MON2: variants seen among roughly 807,000 people sequenced by gnomAD.
MON2 encodes protein MON2 homolog.
Under a neutral mutation model 208.6 loss-of-function variants are expected in MON2, and 84 were observed. That is an observed-to-expected ratio of 0.40 (90% CI 0.34 to 0.48). The LOEUF is 0.48. MON2 is among the 20% of genes least tolerant of loss of function. The pLI, the probability that MON2 is intolerant of heterozygous loss-of-function variation, is 0.59. For missense variants in MON2, 1,611 were observed against 2,015.4 expected (o/e 0.80, Z 3.84); for synonymous variants, 660 against 694.0 (o/e 0.95, Z 0.77).
chr12:62,469,315 C>T (rs2068672745), intron 1 of MON2, among the ~76,000 whole-genome samples: 1 of 152,090 alleles, frequency 6.6e-6, no homozygotes, highest in Admixed American at 6.6e-5. Flanking sequence ...CACTGTACTC[C>T]AGCCTGGGAG....
chr12:62,482,693 T>C (rs1235883518), intron 1 of MON2: 2 of 152,214 alleles, frequency 1.3e-5, no homozygotes, highest in African/African-American at 4.8e-5. Context: ...AATTATAATG[T>C]GGGCTACAGA....
At chr12:62,499,073 T>C in intron 5 of MON2, 25 bp downstream of exon 5, 1 of 1,604,940 alleles carries the variant, frequency 6.2e-7, no homozygotes, top group Non-Finnish European at 8.5e-7. Context: ...GTTGTTTTAC[T>C]TTGTGGGTGG....
intron 32 of MON2, among the ~76,000 whole-genome samples, chr12:62,583,573 T>C (rs961929001): frequency 3.9e-5 from 6 of 151,950 alleles, no homozygotes; most frequent in African/African-American, 1.5e-4. Context: ...AAATCAGGCA[T>C]GTCATTATGA....
Position 62,571,305 on chromosome 12 carries a change from T to G in MON2, c.4324-87T>G, listed in dbSNP as rs2074588784. 5 of 996,696 alleles carry G rather than the reference T, an allele frequency of 5.0e-6. No individual in the cohort carries two copies. In the South Asian group the frequency reaches 1.1e-4, roughly 22 times the overall value. The allele number at this position is 996,696 out of a possible 1,614,324, so 61.7% of individuals were successfully genotyped here. A position where few individuals can be genotyped will look rare whatever the true frequency, so the allele number is the denominator to read the frequency against. On this transcript the variant is annotated intron_variant, in intron 29 of 34. Coordinates refer to ENST00000393630, the MANE Select transcript of MON2 (RefSeq NM_015026.3). ...CTTTTTAAGATGAAAATACCTATGC[T>G]ATTTTTTCTCTGCTGTAGTTTTTCT...
chr12:62,543,410 G>C (rs1244631188), intron 20 of MON2, among the ~76,000 whole-genome samples: 1 of 152,108 alleles, frequency 6.6e-6, no homozygotes, highest in African/African-American at 2.4e-5. Context: ...GGCTGAAAAT[G>C]GGTGACATTT....
At chr12:62,564,312 T>G in intron 26 of MON2, among the ~76,000 whole-genome samples, 1 of 152,114 alleles carries the variant, frequency 6.6e-6, no homozygotes, top group East Asian at 1.9e-4. Flanking sequence ...AAAAGTTAAA[T>G]GGTTTGAATT....
Position 62,580,351 on chromosome 12 carries a change from G to A in MON2, c.4630G>A (p.Glu1544Lys). Residue 1544 changes from glutamate (E) to lysine (K), a missense_variant, in exon 32 of 35, where the codon GAA becomes AAA. Transcript: ENST00000393630. ...ILPYANFIPKEFVGQIMTMLN... is the reference protein window; with the variant it reads ...ILPYANFIPKKFVGQIMTMLN... ...ACCTTATGCCAATTTTATTCCTAAGGAATTTGTTGGTCAAATAATGACAAT... is the reference window on the plus strand; with the variant it reads ...ACCTTATGCCAATTTTATTCCTAAGAAATTTGTTGGTCAAATAATGACAAT... 6.2e-7 allele frequency: 1 copy of A among 1,607,736 alleles called. No individual in the cohort carries two copies. Among genetic ancestry groups the A allele is most frequent in the Non-Finnish European group, 8.5e-7 (1 of 1,174,764 alleles).
Position 62,565,335 on chromosome 12 carries a change from T to C in MON2, c.4131T>C (p.Tyr1377=), listed in dbSNP as rs773206774. Residue 1377 remains tyrosine, a synonymous_variant, in exon 27 of 35, where the codon TAT becomes TAC. Coordinates refer to ENST00000393630, the MANE Select transcript of MON2 (RefSeq NM_015026.3). ...AATTTTCCTGTAAACCTCCACAGTA[T>C]GGACAGCTGGAAACAAAGCACATTG... is the stretch of plus-strand genomic sequence containing the variant. The part of the protein sequence containing the change: ...FVEFSCKPPQ[Y]GQLETKHIAN... 1.2e-6 allele frequency: 2 copies of C among 1,612,332 alleles called. No individual in the cohort carries two copies. The highest frequency in any genetic ancestry group is 1.1e-5 in the South Asian group (1 of 90,878).
intron 11 of MON2, among the ~76,000 whole-genome samples, chr12:62,527,860 A>G (rs1173981483): frequency 2.0e-5 from 3 of 151,520 alleles, no homozygotes; most frequent in African/African-American, 4.8e-5. Flanking sequence ...AAAAAAAAAG[A>G]AACAAGCCAC....
chr12:62,470,944 A>T (rs1437012085), intron 1 of MON2, among the ~76,000 whole-genome samples: 2 of 152,234 alleles, frequency 1.3e-5, no homozygotes, highest in African/African-American at 4.8e-5. Flanking sequence ...CAAAGTTTAA[A>T]AAATGATGAT....
rs201081264 is a variant in MON2 at position 62,574,596 on chromosome 12, A to T, written c.4514+3014A>T. On this transcript the variant is annotated intron_variant, in intron 30 of 34. Transcript: ENST00000393630. ...ATTTTGCCATGTTGCCCAGGCTTGG[A>T]GTTATTTTTAATGGCTAAAAATAAT... Among the ~76,000 whole-genome samples the T allele has an allele frequency of 3.4e-4, 51 of 152,066 alleles. 1 individual carries two copies. The East Asian group carries it at 8.7e-3, about 26-fold the overall frequency.
chr12:62,525,012 T>C, intron 9 of MON2, 72 bp from the exon 10 acceptor site: 1 of 1,273,124 alleles, frequency 7.9e-7, no homozygotes, highest in Non-Finnish European at 1.1e-6. Flanking sequence ...TAATATCACT[T>C]GCTATAAAAA....
chr12:62,553,061 T>C lies in MON2; in HGVS notation c.3097T>C (p.Cys1033Arg). Residue 1033 changes from cysteine to arginine, a missense_variant, in exon 24 of 35, where the codon TGT becomes CGT. Coordinates refer to ENST00000393630, the MANE Select transcript of MON2 (RefSeq NM_015026.3). ...LCLYAKLGEL[C>R]VDPRPAVRKS... ...TCTTTATGCAAAATTGGGTGAACTA[T>C]GTGTGGATCCCCGTCCTGCTGTCAG... 3 of 1,614,162 alleles carry C rather than the reference T, an allele frequency of 1.9e-6. No homozygotes were observed. The highest frequency in any genetic ancestry group is 2.5e-6 in the Non-Finnish European group (3 of 1,180,010).
At chr12:62,576,357 TG>T (rs539174072) in intron 30 of MON2, among the ~76,000 whole-genome samples, 30 of 151,928 alleles carry the variant, frequency 2.0e-4, no homozygotes, top group African/African-American at 7.0e-4. Context: ...CAGATCTTTT[TG>T]GGGGGGTGAT....
intron 1 of MON2, among the ~76,000 whole-genome samples, chr12:62,482,192 G>T (rs1470743598): frequency 6.6e-6 from 1 of 152,190 alleles, no homozygotes; most frequent in Admixed American, 6.5e-5. Flanking sequence ...TGCCAGCAGG[G>T]CATGTGGAAA....
chr12:62,551,721 G>A (rs1412164465), intron 23 of MON2, among the ~76,000 whole-genome samples: 3 of 152,168 alleles, frequency 2.0e-5, no homozygotes, highest in Admixed American at 1.3e-4. Flanking sequence ...AGGCATCTCT[G>A]TAATGAAATC....
chr12:62,590,170 G>A (rs1012044159), intron 34 of MON2, among the ~76,000 whole-genome samples: 4 of 151,866 alleles, frequency 2.6e-5, no homozygotes, highest in African/African-American at 9.7e-5. Flanking sequence ...TGCTTACTGC[G>A]GCGTTGACCT....
intron 11 of MON2, 94 bp downstream of exon 11, chr12:62,526,196 C>T (rs999382367): frequency 2.4e-5 from 28 of 1,167,110 alleles, no homozygotes; most frequent in Middle Eastern, 5.1e-4. Context: ...AATTTTAGAC[C>T]CACTACTTCT....
In MON2 at chr12:62,588,106, A is replaced by T. The variant is rs1284149679; in HGVS notation, c.4940A>T (p.Lys1647Ile). Residue 1647 changes from lysine (K) to isoleucine (I), a missense_variant, in exon 34 of 35, where the codon AAA becomes ATA. Transcript: ENST00000393630. The stretch of plus-strand genomic sequence containing the variant: ...GTAACAGAAATTATATTTGTTTTAA[A>T]AGCAGTCAGTACTCTTATTGATTCA... The part of the protein sequence containing the change: ...QQVTEIIFVL[K>I]AVSTLIDSLK... The T allele has an allele frequency of 6.3e-7, 1 of 1,583,316 alleles. No homozygotes were observed.
Sources: allele counts gnomAD v4.1 joint callset (sites outside exome capture counted in the v4.1 genomes callset), GRCh38; gene constraint gnomAD v4.1.1; transcripts MANE v1.5; gene names NCBI Gene and HGNC (gene_info 2026-07-23, HGNC 2026-07-21).